FHIT: variants seen among roughly 807,000 people sequenced by gnomAD.
FHIT encodes the protein bis(5'-adenosyl)-triphosphatase.
In FHIT, 19 loss-of-function variants were observed where a neutral mutation model predicts 17.9. The observed-to-expected ratio is 1.06, with a 90% CI of 0.74 to 1.56. The LOEUF (loss-of-function observed/expected upper bound fraction) is 1.56, where lower values mean the gene tolerates loss of function less well. Among genes scored for constraint, FHIT ranks in the 40% most tolerant of loss-of-function variants. The pLI is 0.00. For missense variants in FHIT, 248 were observed against 189.2 expected, an observed-to-expected ratio of 1.31 and a Z score of -1.82; for synonymous variants, 81 against 69.7, an observed-to-expected ratio of 1.16 and a Z score of -0.81.
chr3:60,614,669 T>G (rs952950948), intron 4 of FHIT, among the ~76,000 whole-genome samples: 1 of 152,078 alleles, frequency 6.6e-6, no homozygotes, highest in East Asian at 1.9e-4. Flanking sequence ...GTATTCTATT[T>G]GGACATTACA....
chr3:60,217,594 A>AACCT (rs1219421909), intron 5 of FHIT, among the ~76,000 whole-genome samples: 1 of 152,148 alleles, frequency 6.6e-6, no homozygotes, highest in Non-Finnish European at 1.5e-5. Context: ...TGTAGAATAA[A>AACCT]ACCTACGCTA....
chr3:59,988,420 T>C (rs1317013775), intron 7 of FHIT, among the ~76,000 whole-genome samples: 3 of 152,110 alleles, frequency 2.0e-5, no homozygotes, highest in Non-Finnish European at 4.4e-5. Flanking sequence ...AAAGCAAAAT[T>C]GTAAACATTT....
chr3:60,109,879 G>A (rs868092390), intron 5 of FHIT, among the ~76,000 whole-genome samples: 2 of 152,072 alleles, frequency 1.3e-5, no homozygotes, highest in African/African-American at 2.4e-5. Context: ...TGTATTTCTC[G>A]TACTTCCCCA....
At chr3:59,908,399 C>G (rs1704685321) in intron 8 of FHIT, among the ~76,000 whole-genome samples, 1 of 152,202 alleles carries the variant, frequency 6.6e-6, no homozygotes, top group Admixed American at 6.5e-5. Context: ...AGAACTCTGA[C>G]AAGCTGGCAA....
intron 4 of FHIT, among the ~76,000 whole-genome samples, chr3:60,641,763 C>G (rs1553685342): frequency 6.6e-6 from 1 of 152,126 alleles, no homozygotes; most frequent in Non-Finnish European, 1.5e-5. Context: ...CAGCCAAAAA[C>G]CAGATTCTGA....
intron 5 of FHIT, among the ~76,000 whole-genome samples, chr3:60,282,302 G>C (rs1425160357): frequency 6.6e-6 from 1 of 152,070 alleles, no homozygotes; most frequent in East Asian, 1.9e-4. Context: ...CAGAATACTA[G>C]TCTACAATTT....
At chr3:60,415,944 G>A (rs1330787475) in intron 5 of FHIT, among the ~76,000 whole-genome samples, 1 of 148,046 alleles carries the variant, frequency 6.8e-6, no homozygotes, top group African/African-American at 2.5e-5. Flanking sequence ...TATAATTATA[G>A]TGTAAAATAT....
chr3:60,852,797 A>C lies in FHIT; in HGVS notation c.-110-30786T>G, dbSNP rs1703207421. ...AGTGGGAAGGCTGCTTGAAACCAGGAGTTTGAGACAAGCCTAAGCAGCATA... is the reference window on the plus strand; with the variant it reads ...AGTGGGAAGGCTGCTTGAAACCAGGCGTTTGAGACAAGCCTAAGCAGCATA... On this transcript the variant is annotated intron_variant, in intron 3 of 9. Coordinates refer to ENST00000492590, the MANE Select transcript of FHIT (RefSeq NM_002012.4). Among the ~76,000 whole-genome samples the C allele has an allele frequency of 2.0e-5, 3 of 152,040 alleles. No homozygotes were observed. The South Asian group carries it at 6.2e-4, about 31-fold the overall frequency.
At chr3:60,838,248 G>A (rs1338693547) in intron 3 of FHIT, among the ~76,000 whole-genome samples, 2 of 152,150 alleles carry the variant, frequency 1.3e-5, no homozygotes, top group African/African-American at 2.4e-5. Flanking sequence ...CGAGGCAGGC[G>A]GATTGCCTGA....
chr3:60,534,461 A>AAAAAAAAAG (rs1559519903), intron 5 of FHIT, among the ~76,000 whole-genome samples: 1 of 77,356 alleles, frequency 1.3e-5, no homozygotes. Context: ...AAAAAAAAAA[A>AAAAAAAAAG]AAGATGCGTC....
intron 3 of FHIT, among the ~76,000 whole-genome samples, chr3:60,904,729 C>A (rs1287928913): frequency 6.6e-6 from 1 of 151,972 alleles, no homozygotes; most frequent in Non-Finnish European, 1.5e-5. Flanking sequence ...ATCACAAGGT[C>A]AGGAGTTCAA....
intron 1 of FHIT, among the ~76,000 whole-genome samples, chr3:61,228,531 C>CA (rs879590683): frequency 2.6e-5 from 4 of 152,128 alleles, no homozygotes; most frequent in East Asian, 1.9e-4. Flanking sequence ...TCCCATGTCA[C>CA]AAAAAAACTT....
chr3:60,990,578 T>G (rs1268449744), intron 3 of FHIT, among the ~76,000 whole-genome samples: 1 of 152,236 alleles, frequency 6.6e-6, no homozygotes, highest in Non-Finnish European at 1.5e-5. Context: ...GTCCCCATTC[T>G]AGTATTTTTA....
chr3:61,216,217 T>C (rs1335684203), intron 1 of FHIT, among the ~76,000 whole-genome samples: 4 of 152,148 alleles, frequency 2.6e-5, no homozygotes, highest in Non-Finnish European at 5.9e-5. Flanking sequence ...ACCTACAGAA[T>C]CGGAGAAAAT....
chr3:60,504,477 GTAGTT>G (rs2034650149), intron 5 of FHIT, among the ~76,000 whole-genome samples: 1 of 151,890 alleles, frequency 6.6e-6, no homozygotes, highest in Admixed American at 6.6e-5. Flanking sequence ...TGCTTAGTAA[GTAGTT>G]TAAAGTTATT....
Position 59,922,072 on chromosome 3 carries a change from T to C in FHIT, c.348+274A>G, listed in dbSNP as rs562143632. Among the ~76,000 whole-genome samples, 12 of 152,292 alleles carry C rather than the reference T, an allele frequency of 7.9e-5. No individual in the cohort carries two copies. The East Asian group carries it at 2.3e-3, about 29-fold the overall frequency. ...ATTCTGGGCCATATCTCCATGCAAA[T>C]ATTTACTGTCCTGGTAAATGACAGG... On this transcript the variant is annotated intron_variant, in intron 8 of 9. Coordinates refer to ENST00000492590, the MANE Select transcript of FHIT (RefSeq NM_002012.4).
intron 5 of FHIT, among the ~76,000 whole-genome samples, chr3:60,023,484 A>G (rs3907341): frequency 0.026 from 3,914 of 152,280 alleles, 162 homozygotes; most frequent in African/African-American, 0.089. Flanking sequence ...AGGTTTTGAA[A>G]TTATGGATTC....
intron 5 of FHIT, among the ~76,000 whole-genome samples, chr3:60,424,599 CCACA>C (rs749162205): frequency 1.8e-4 from 28 of 151,776 alleles, no homozygotes; most frequent in Admixed American, 1.5e-3. Flanking sequence ...CATTTCACAC[CCACA>C]CACACACAAA....
intron 4 of FHIT, among the ~76,000 whole-genome samples, chr3:60,821,587 CT>C (rs1217276911): frequency 5.3e-5 from 8 of 152,236 alleles, no homozygotes; most frequent in Admixed American, 5.2e-4. Flanking sequence ...ATATGTGTAA[CT>C]GCTGGGGGGA....
Sources: gnomAD v4.1 joint callset for allele counts (sites outside exome capture counted in the v4.1 genomes callset) on GRCh38, gnomAD v4.1.1 for gene constraint, MANE v1.5 for transcripts, NCBI Gene and HGNC (gene_info 2026-07-23, HGNC 2026-07-21) for gene names.